DAB1: variants seen among roughly 807,000 people sequenced by gnomAD.
DAB1 encodes disabled homolog 1.
A neutral mutation model predicts 64.6 loss-of-function variants in DAB1; 15 were observed. The ratio of observed to expected loss-of-function variants is 0.23; its 90% CI spans 0.16 to 0.36. DAB1 has a LOEUF of 0.36. DAB1 is among the 10% of genes least tolerant of loss of function. The pLI, the probability that DAB1 is intolerant of heterozygous loss-of-function variation, is 1.00. For synonymous variants in DAB1, 235 were observed against 251.9 expected (o/e 0.93, Z 0.64); for missense variants, 596 against 706.7 (o/e 0.84, Z 1.78).
intron 1 of DAB1, among the ~76,000 whole-genome samples, chr1:57,848,656 T>G (rs1653391538): frequency 6.6e-6 from 1 of 152,148 alleles, no homozygotes; most frequent in African/African-American, 2.4e-5. Context: ...CAAGCAATGA[T>G]GCAGAAGTGA....
In DAB1 at chr1:57,439,418, G is replaced by GTTTTTTTTTTTTGTTTTTTTTTGTTTT; in HGVS notation, n.626-148253_626-148252insAAAACAAAAAAAAACAAAAAAAAAAAA. Among the ~76,000 whole-genome samples the GTTTTTTTTTTTTGTTTTTTTTTGTTTT allele has an allele frequency of 2.9e-4, 34 of 116,158 alleles. 1 individual carries two copies. In the East Asian group the frequency reaches 4.6e-3, roughly 16 times the overall value. 76.2% of individuals were successfully genotyped at this position (116,158 alleles called of 152,430 possible). A position where few individuals can be genotyped will look rare whatever the true frequency, so the allele number is the denominator to read the frequency against. ...GCCATGCCATCAACTTGGTGATGAG[G>GTTTTTTTTTTTTGTTTTTTTTTGTTTT]TTTTTTCTTTTTTTTTTTTTTTTTT... On this transcript the variant is annotated intron_variant and non_coding_transcript_variant, in intron 7 of 20. Coordinates refer to the DAB1 transcript ENST00000485760.
At chr1:58,400,108 T>C (rs1004666659) in intron 3 of DAB1, among the ~76,000 whole-genome samples, 3 of 151,768 alleles carry the variant, frequency 2.0e-5, no homozygotes, top group African/African-American at 7.3e-5. Context: ...ACAAAGGAAA[T>C]AGAGATCTGT....
intron 7 of DAB1, among the ~76,000 whole-genome samples, chr1:57,486,943 A>T (rs918942561): frequency 4.6e-5 from 7 of 151,826 alleles, no homozygotes; most frequent in Admixed American, 4.6e-4. Flanking sequence ...CTATGTACCC[A>T]CAAAAATTAA....
chr1:58,198,127 CG>C (rs2100254095), intron 4 of DAB1, among the ~76,000 whole-genome samples: 1 of 152,304 alleles, frequency 6.6e-6, no homozygotes, highest in African/African-American at 2.4e-5. Context: ...CAAGAAGTCA[CG>C]ACAGCTGCAT....
At chr1:57,909,630 G>T (rs1176966434) in intron 5 of DAB1, among the ~76,000 whole-genome samples, 2 of 152,070 alleles carry the variant, frequency 1.3e-5, no homozygotes, top group African/African-American at 4.8e-5. Context: ...AATAAGTGTT[G>T]CTGATTCTGT....
chr1:57,190,254 T>C (rs1664007394), intron 2 of DAB1, among the ~76,000 whole-genome samples: 2 of 152,188 alleles, frequency 1.3e-5, no homozygotes, highest in Admixed American at 6.5e-5. Context: ...TTGAGAGCAC[T>C]GCCTTAGAAA....
chr1:58,103,725 C>T (rs951776050), intron 5 of DAB1, among the ~76,000 whole-genome samples: 1 of 152,046 alleles, frequency 6.6e-6, no homozygotes, highest in Admixed American at 6.6e-5. Flanking sequence ...TTAAGTTTTG[C>T]CCTGGAGATT....
chr1:57,814,107 G>A (rs1651748863), intron 6 of DAB1, among the ~76,000 whole-genome samples: 1 of 152,156 alleles, frequency 6.6e-6, no homozygotes, highest in South Asian at 2.1e-4. Flanking sequence ...CCGTCTATGT[G>A]TGGGCAAGGC....
At chr1:57,799,586 G>T (rs201567633) in intron 6 of DAB1, among the ~76,000 whole-genome samples, 2 of 51,374 alleles carry the variant, frequency 3.9e-5, no homozygotes, top group Non-Finnish European at 9.5e-5. Context: ...AAAAAGATCT[G>T]GGGGGGGCTT....
chr1:57,607,728 T>C (rs947420886), intron 7 of DAB1, among the ~76,000 whole-genome samples: 3 of 152,030 alleles, frequency 2.0e-5, no homozygotes, highest in African/African-American at 4.8e-5. Flanking sequence ...CTTTCTCCCA[T>C]GATGTCATTA....
At chr1:58,041,790 C>A (rs147600019) in intron 5 of DAB1, among the ~76,000 whole-genome samples, 1 of 152,318 alleles carries the variant, frequency 6.6e-6, no homozygotes, top group East Asian at 1.9e-4. Context: ...TACGAGGCTG[C>A]ATCAGGACTG....
intron 6 of DAB1, among the ~76,000 whole-genome samples, chr1:57,772,460 A>G (rs72664658): frequency 0.047 from 7,084 of 152,264 alleles, 254 homozygotes; most frequent in South Asian, 0.075. Flanking sequence ...GATTTTGGTT[A>G]TTGTGAATAA....
chr1:57,933,773 C>T (rs1329794578), intron 5 of DAB1, among the ~76,000 whole-genome samples: 2 of 152,144 alleles, frequency 1.3e-5, no homozygotes, highest in Non-Finnish European at 2.9e-5. Context: ...TGGGTAGATA[C>T]AGTCCCAGTT....
chr1:57,570,295 C>G, intron 7 of DAB1, among the ~76,000 whole-genome samples: 1 of 152,124 alleles, frequency 6.6e-6, no homozygotes, highest in East Asian at 1.9e-4. Context: ...ACTCCAAGTT[C>G]TTCAGTTTTG....
intron 7 of DAB1, among the ~76,000 whole-genome samples, chr1:57,531,681 G>A (rs535265199): frequency 2.6e-5 from 4 of 151,836 alleles, no homozygotes; most frequent in Non-Finnish European, 5.9e-5. Context: ...GGGAGGGAGG[G>A]CAACTGCAGG....
At chr1:57,937,861 T>A (rs544761679) in intron 5 of DAB1, among the ~76,000 whole-genome samples, 1 of 152,272 alleles carries the variant, frequency 6.6e-6, no homozygotes, top group East Asian at 1.9e-4. Context: ...GTTCCTCTGT[T>A]CCCTTCTGTT....
Position 57,192,881 on chromosome 1 carries a change from C to T in DAB1, c.68-47452G>A, listed in dbSNP as rs61767514. Among the ~76,000 whole-genome samples the T allele has an allele frequency of 4.6e-3, 697 of 152,226 alleles. 7 individuals carry two copies. The highest frequency in any genetic ancestry group is 0.014 in the Admixed American group (213 of 15,290). On this transcript the variant is annotated intron_variant, in intron 2 of 14. Coordinates refer to ENST00000371236, the MANE Select transcript of DAB1 (RefSeq NM_001365792.1). ...GTATACTCATAAGGTTGTACAACCA[C>T]CATTGCAATCTAATTCTAGAACATT...
intron 1 of DAB1, among the ~76,000 whole-genome samples, chr1:57,365,142 AT>A (rs1351565833): frequency 3.5e-5 from 5 of 144,048 alleles, no homozygotes; most frequent in African/African-American, 7.5e-5. Context: ...AAGAATATAT[AT>A]TTTTTATTAT....
chr1:57,580,857 G>C (rs997539166), intron 7 of DAB1, among the ~76,000 whole-genome samples: 1 of 152,206 alleles, frequency 6.6e-6, no homozygotes, highest in Admixed American at 6.5e-5. Context: ...GGGTGGAGGT[G>C]AACAGACTTG....
Sources: gnomAD v4.1 joint callset for allele counts (sites outside exome capture counted in the v4.1 genomes callset) on GRCh38, gnomAD v4.1.1 for gene constraint, MANE v1.5 for transcripts, NCBI Gene and HGNC (gene_info 2026-07-23, HGNC 2026-07-21) for gene names.